EPHB1: variants seen among roughly 807,000 people sequenced by gnomAD.
EPHB1 encodes the protein ephrin type-B receptor 1.
EPHB1 carries 30 observed loss-of-function variants against 94.4 expected under a neutral mutation model. The ratio of observed to expected loss-of-function variants is 0.32; its 90% CI spans 0.24 to 0.43. The LOEUF (loss-of-function observed/expected upper bound fraction) is 0.43. Ranked by LOEUF, EPHB1 falls within the 20% of genes least tolerant of loss-of-function variation. EPHB1 has a pLI of 1.00. For missense variants in EPHB1, 1,055 were observed against 1,308.3 expected (o/e 0.81, Z 2.99); for synonymous variants, 522 against 489.1 (o/e 1.07, Z -0.89).
chr3:135,018,790 G>A (rs965160466), intron 3 of EPHB1, among the ~76,000 whole-genome samples: 5 of 152,020 alleles, frequency 3.3e-5, no homozygotes, highest in Non-Finnish European at 5.9e-5. Flanking sequence ...AGTGAATGCC[G>A]GCCTCATTTC....
intron 3 of EPHB1, among the ~76,000 whole-genome samples, chr3:135,018,505 C>G (rs907215663): frequency 1.3e-5 from 2 of 152,132 alleles, no homozygotes; most frequent in African/African-American, 4.8e-5. Context: ...TGCAATCCCA[C>G]CCCTTCTTAA....
At chr3:134,807,070 T>C (rs1347227714) in intron 1 of EPHB1, among the ~76,000 whole-genome samples, 1 of 152,130 alleles carries the variant, frequency 6.6e-6, no homozygotes, top group Non-Finnish European at 1.5e-5. Flanking sequence ...CGAGATGGAA[T>C]AGGCTGCCTT....
intron 3 of EPHB1, among the ~76,000 whole-genome samples, chr3:135,070,413 T>C (rs1175829782): frequency 6.6e-6 from 1 of 152,182 alleles, no homozygotes; most frequent in Admixed American, 6.5e-5. Context: ...GGCTTGATCA[T>C]GTCAGAGGTA....
intron 1 of EPHB1, among the ~76,000 whole-genome samples, chr3:134,913,859 T>C (rs1394922980): frequency 1.3e-5 from 2 of 152,178 alleles, no homozygotes; most frequent in African/African-American, 4.8e-5. Context: ...TCAGTGTATA[T>C]TGGTGGTGGT....
intron 9 of EPHB1, among the ~76,000 whole-genome samples, chr3:135,172,234 T>G (rs1234513312): frequency 3.3e-5 from 5 of 152,226 alleles, no homozygotes; most frequent in Non-Finnish European, 7.3e-5. Flanking sequence ...GGCAGGAACC[T>G]GGAAGTCATC....
At chr3:134,844,186 T>G (rs1215707394) in intron 1 of EPHB1, among the ~76,000 whole-genome samples, 1 of 152,230 alleles carries the variant, frequency 6.6e-6, no homozygotes, top group Non-Finnish European at 1.5e-5. Context: ...ATGTCTTGCT[T>G]CTTAGAGGTC....
At chr3:134,967,943 G>C (rs1933826361) in intron 3 of EPHB1, among the ~76,000 whole-genome samples, 1 of 152,188 alleles carries the variant, frequency 6.6e-6, no homozygotes, top group Non-Finnish European at 1.5e-5. Context: ...CTAACACACA[G>C]GTGTGTTTCC....
chr3:135,039,418 G>C (rs1044732747), intron 3 of EPHB1, among the ~76,000 whole-genome samples: 1 of 152,210 alleles, frequency 6.6e-6, no homozygotes, highest in African/African-American at 2.4e-5. Flanking sequence ...GTCCTGCACC[G>C]TGCGCTCGCA....
At chr3:134,909,104 C>G (rs1992870) in intron 1 of EPHB1, among the ~76,000 whole-genome samples, 1 of 120,042 alleles carries the variant, frequency 8.3e-6, no homozygotes, top group East Asian at 2.5e-4. Flanking sequence ...ACAGTACACA[C>G]AAGGTGGGGG....
At chr3:135,179,647 A>G (rs554077947) in intron 9 of EPHB1, among the ~76,000 whole-genome samples, 2 of 152,274 alleles carry the variant, frequency 1.3e-5, no homozygotes, top group East Asian at 3.9e-4. Context: ...GAAAATATGG[A>G]GGAGAAGTAG....
At chr3:135,190,595 G>A (rs756627591) in intron 10 of EPHB1, among the ~76,000 whole-genome samples, 8 of 123,436 alleles carry the variant, frequency 6.5e-5, no homozygotes, top group Non-Finnish European at 1.0e-4. Context: ...GGTCTGTATT[G>A]TCTAGTACTT....
intron 3 of EPHB1, among the ~76,000 whole-genome samples, chr3:134,955,465 C>T (rs1485723743): frequency 1.0e-5 from 1 of 95,854 alleles, no homozygotes; most frequent in Non-Finnish European, 2.0e-5. Context: ...GCATAGTATT[C>T]CATGGTGTAT....
At chr3:135,219,795 T>G (rs1425485406) in intron 12 of EPHB1, among the ~76,000 whole-genome samples, 2 of 152,162 alleles carry the variant, frequency 1.3e-5, no homozygotes, top group African/African-American at 2.4e-5. Flanking sequence ...TGTCCAGTTC[T>G]GTAAGAGTCC....
intron 1 of EPHB1, among the ~76,000 whole-genome samples, chr3:134,839,193 A>T (rs1275110557): frequency 6.6e-6 from 1 of 152,202 alleles, no homozygotes; most frequent in Non-Finnish European, 1.5e-5. Context: ...TGTTCAGGCC[A>T]AGGACCAGAC....
At chr3:135,210,026 G>A (rs1942996610) in intron 12 of EPHB1, among the ~76,000 whole-genome samples, 1 of 152,188 alleles carries the variant, frequency 6.6e-6, no homozygotes, top group Non-Finnish European at 1.5e-5. Context: ...GATGGGTGAT[G>A]GCTCCATTCT....
chr3:134,991,183 T>TA (rs1457498462), intron 3 of EPHB1, among the ~76,000 whole-genome samples: 2 of 152,238 alleles, frequency 1.3e-5, no homozygotes, highest in Non-Finnish European at 2.9e-5. Flanking sequence ...GTGGGCTGGG[T>TA]AATTCCTCCT....
chr3:134,974,982 T>C (rs570190871), intron 3 of EPHB1, among the ~76,000 whole-genome samples: 6 of 151,800 alleles, frequency 4.0e-5, no homozygotes, highest in African/African-American at 1.4e-4. Context: ...GTCTCTTTTT[T>C]CCTCCCCTCT....
chr3:135,077,169 A>G (rs1559820589), intron 3 of EPHB1, among the ~76,000 whole-genome samples: 1 of 152,232 alleles, frequency 6.6e-6, no homozygotes, highest in African/African-American at 2.4e-5. Flanking sequence ...CAAAGGAACC[A>G]TGGACAGGGA....
intron 4 of EPHB1, among the ~76,000 whole-genome samples, chr3:135,122,588 A>G (rs895840709): frequency 6.6e-6 from 1 of 152,130 alleles, no homozygotes; most frequent in Admixed American, 6.5e-5. Flanking sequence ...ACTGCCTCCC[A>G]GGATCCAGGG....
Sources: allele counts gnomAD v4.1 joint callset (sites outside exome capture counted in the v4.1 genomes callset), GRCh38; gene constraint gnomAD v4.1.1; transcripts MANE v1.5; gene names NCBI Gene and HGNC (gene_info 2026-07-23, HGNC 2026-07-21).